PRRC2A: variants seen among roughly 807,000 people sequenced by gnomAD.
PRRC2A encodes proline rich coiled-coil 2A.
In PRRC2A, 59 loss-of-function variants were observed where a neutral mutation model predicts 224.6. The observed-to-expected ratio is 0.26, with a 90% CI of 0.21 to 0.33. PRRC2A has a LOEUF of 0.33. Ranked by LOEUF, PRRC2A falls within the 10% of genes least tolerant of loss-of-function variation. The pLI, the probability that PRRC2A is intolerant of heterozygous loss-of-function variation, is 1.00. For missense variants in PRRC2A, 3,095 were observed against 2,880.7 expected (o/e 1.07, Z -1.70); for synonymous variants, 1,194 against 1,109.5 (o/e 1.08, Z -1.51).
chr6:31,628,061 T>C lies in PRRC2A; in HGVS notation c.1587T>C (p.Pro529=). ...CACCTGCAGTCCCTAAAGAACTCCC[T>C]GCACCTCCAGCTCCACCTCCAGCAT... The part of the protein sequence containing the change: ...APPPAVPKEL[P]APPAPPPASA... Residue 529 remains proline (P), a synonymous_variant, in exon 12 of 31, where the codon CCT becomes CCC. Coordinates refer to ENST00000376033, the MANE Select transcript of PRRC2A (RefSeq NM_004638.4). 6.2e-7 allele frequency: 1 copy of C among 1,612,980 alleles called. No individual in the cohort carries two copies. The highest frequency in any genetic ancestry group is 8.5e-7 in the Non-Finnish European group (1 of 1,179,972).
At position 31,627,070 on chromosome 6, in the gene PRRC2A, C is replaced by G; in HGVS notation, c.1162C>G (p.Pro388Ala). Residue 388 changes from proline (P) to alanine (A), a missense_variant, in exon 11 of 31, where the codon CCT becomes GCT. By Grantham distance (27) the Pro-to-Ala change is conservative. Transcript: ENST00000376033. This position sits in a 1 kb window ranked among gnomAD's most constrained non-coding sequence, Gnocchi z 5.6. ...CTCCCCCAACAGCGAACCGCCCACT[C>G]CTAAGACGGCCTGGGCAGAAACCTC... ...GNSPNSEPPT[P>A]KTAWAETSRP... is the part of the protein sequence containing the mutation. The G allele has an allele frequency of 1.2e-6, 2 of 1,614,202 alleles. No homozygotes were observed. The highest frequency in any genetic ancestry group is 1.7e-6 in the Non-Finnish European group (2 of 1,180,038).
rs1776086787 is a variant in PRRC2A at position 31,627,861 on chromosome 6, G to A, written c.1387G>A (p.Ala463Thr). 6.2e-7 allele frequency: 1 copy of A among 1,612,974 alleles called. No homozygotes were observed. The change falls in exon 12 of 31, where the codon GCA becomes ACA. Residue 463 changes from alanine to threonine, a missense_variant. By Grantham distance (58) the Ala-to-Thr change is moderately conservative (BLOSUM62 0). This residue lies in a region of PRRC2A where 2,001 missense variants were observed against 1,764.9 expected (regional missense o/e 1.13). Transcript: ENST00000376033. The surrounding 1 kb of genome is among the most constrained non-coding windows in gnomAD (Gnocchi z 5.6). ...RKQSSSEISLAVERARRRREE... is the reference protein window; with the variant it reads ...RKQSSSEISLTVERARRRREE... Reference sequence around the variant, plus strand: ...GCAGTCGTCATCTGAGATTTCCCTGGCAGTGGAGCGGGCCCGGCGACGGCG... The same window carrying A: ...GCAGTCGTCATCTGAGATTTCCCTGACAGTGGAGCGGGCCCGGCGACGGCG...
At chr6:31,626,308 T>A in intron 9 of PRRC2A, 146 bp downstream of exon 9, 3 of 1,044,134 alleles carry the variant, frequency 2.9e-6, no homozygotes, top group Non-Finnish European at 4.1e-6. Flanking sequence ...ATCCCAGTGC[T>A]TTGGGAGTGT....
chr6:31,621,384 C>T (rs1480827399), intron 1 of PRRC2A, among the ~76,000 whole-genome samples: 2 of 152,172 alleles, frequency 1.3e-5, no homozygotes, highest in African/African-American at 4.8e-5. Context: ...GTTGCTCAGT[C>T]GCCCTATGTC....
chr6:31,636,831 T>C lies in PRRC2A; in HGVS notation c.6033T>C (p.Pro2011=). 6.2e-7 allele frequency: 1 copy of C among 1,612,108 alleles called. No individual in the cohort carries two copies. The highest frequency in any genetic ancestry group is 8.5e-7 in the Non-Finnish European group (1 of 1,179,986). The change falls in exon 28 of 31, where the codon CCT becomes CCC. Residue 2011 remains proline (P), a synonymous_variant. Transcript: ENST00000376033. The surrounding 1 kb of genome is among the most constrained non-coding windows in gnomAD (Gnocchi z 4.3). ...PPAPPPLSLL[P]VGPALQPPSL... is the part of the protein sequence containing the mutation. ...CCCCACCTCCCCTTTCTCTGTTACC[T>C]GTGGGCCCTGCTCTGCAGCCCCCCA...
At position 31,633,597 on chromosome 6, in the gene PRRC2A, G is replaced by A. The variant is rs773879355; in HGVS notation, c.4538G>A (p.Arg1513Lys). ...CAAGCCCCTCAGGGCCCCTCTCCTA[G>A]GCCCCCAACCCGATACGAGCCCCAG... ...LPQAPQGPSPRPPTRYEPQRV... is the reference protein window; with the variant it reads ...LPQAPQGPSPKPPTRYEPQRV... Residue 1513 changes from arginine to lysine, a missense_variant, in exon 17 of 31, where the codon AGG (arginine) becomes AAG (lysine). By Grantham distance (26) the Arg-to-Lys change is conservative. Around this residue, in one of 8 missense-constraint regions of PRRC2A, gnomAD observed 2,001 missense variants for 1,764.9 expected, o/e 1.13. Coordinates refer to ENST00000376033, the MANE Select transcript of PRRC2A (RefSeq NM_004638.4). 5 of 1,612,878 alleles carry A rather than the reference G, an allele frequency of 3.1e-6. No individual in the cohort carries two copies. The highest frequency in any genetic ancestry group is 4.2e-6 in the Non-Finnish European group (5 of 1,179,886).
At position 31,632,415 on chromosome 6, in the gene PRRC2A, G is replaced by T; in HGVS notation, c.3742G>T (p.Ala1248Ser). Reference protein sequence around the residue: ...ERPRRRRHGRAQQQDKPPRFR... With the variant: ...ERPRRRRHGRSQQQDKPPRFR... ...ACCCCGAAGGAGGCGACATGGGAGG[G>T]CTCAGCAGCAGGATAAACCGCCTCG... The change falls in exon 16 of 31, where the codon GCT (alanine) becomes TCT (serine). Residue 1248 changes from alanine (A) to serine (S), a missense_variant. This residue lies in a region of PRRC2A where 2,001 missense variants were observed against 1,764.9 expected (regional missense o/e 1.13). Transcript: ENST00000376033. The T allele has an allele frequency of 6.2e-7, 1 of 1,609,018 alleles. No homozygotes were observed. Among genetic ancestry groups the T allele is most frequent in the Non-Finnish European group, 8.5e-7 (1 of 1,177,236 alleles).
At chr6:31,633,816 G>T (rs548981986) in intron 17 of PRRC2A, 43 bp from the exon 18 acceptor site, 1 of 1,554,506 alleles carries the variant, frequency 6.4e-7, no homozygotes, top group East Asian at 2.3e-5. Context: ...GTTAGGGTCA[G>T]TGGCAGAGCC....
intron 23 of PRRC2A, 34 bp downstream of exon 23, chr6:31,635,499 A>C: frequency 1.2e-6 from 2 of 1,612,752 alleles, no homozygotes; most frequent in African/African-American, 2.7e-5. Flanking sequence ...GGAAAGGCCC[A>C]AGATTTCTGG....
chr6:31,629,708 G>A lies in PRRC2A; in HGVS notation c.2117G>A (p.Gly706Asp). ...PPPPPKALYP[G>D]ALGRPPPMPP... ...CCGCCCCCCAAGGCCCTGTACCCAG[G>A]TGCTCTGGGCCGGCCCCCACCCATG... The change falls in exon 14 of 31, where the codon GGT becomes GAT. Residue 706 changes from glycine (G) to aspartate (D), a missense_variant. Physicochemically the swap from Gly to Asp is moderately conservative, Grantham distance 94 (BLOSUM62 -1). This residue lies in a region of PRRC2A where 2,001 missense variants were observed against 1,764.9 expected (regional missense o/e 1.13). Transcript: ENST00000376033. The A allele has an allele frequency of 1.2e-6, 2 of 1,602,956 alleles. No individual in the cohort carries two copies. Among genetic ancestry groups the A allele is most frequent in the Non-Finnish European group, 1.7e-6 (2 of 1,172,944 alleles).
Position 31,635,485 on chromosome 6 carries a change from T to C in PRRC2A, c.5373+20T>C. The C allele has an allele frequency of 1.9e-6, 3 of 1,613,502 alleles. No individual in the cohort carries two copies. The highest frequency in any genetic ancestry group is 2.2e-5 in the South Asian group (2 of 91,080). Reference sequence around the variant, plus strand: ...ACTGAGGTAAGTGGGAGTAAGAGTTTGGTGGAAAGGCCCAAGATTTCTGGG... The same window carrying C: ...ACTGAGGTAAGTGGGAGTAAGAGTTCGGTGGAAAGGCCCAAGATTTCTGGG... On this transcript the variant is annotated intron_variant, in intron 23 of 30. Transcript: ENST00000376033.
chr6:31,631,820 C>CG lies in PRRC2A; in HGVS notation c.3147_3148insG (p.Arg1050AlafsTer15). ...CCTATGGGGGACGAGGGCGGGGAGC[C>CG]CGAAGCCGGGAATTCCGCAGTTACC... On this transcript the variant is annotated frameshift_variant, in exon 16 of 31. Transcript: ENST00000376033. LOFTEE classifies it high-confidence loss of function. The surrounding 1 kb of genome is among the most constrained non-coding windows in gnomAD (Gnocchi z 4.5). The CG allele has an allele frequency of 6.3e-7, 1 of 1,594,398 alleles. No individual in the cohort carries two copies. Among genetic ancestry groups the CG allele is most frequent in the Non-Finnish European group, 8.6e-7 (1 of 1,168,574 alleles).
Position 31,632,920 on chromosome 6 carries a change from G to A in PRRC2A, c.4247G>A (p.Gly1416Asp). The A allele has an allele frequency of 1.2e-6, 2 of 1,612,558 alleles. No homozygotes were observed. Among genetic ancestry groups the A allele is most frequent in the Non-Finnish European group, 1.7e-6 (2 of 1,179,744 alleles). The part of the protein sequence containing the change: ...GSSGSSSGGG[G>D]GGPGGRTGPG... Reference sequence around the variant, plus strand: ...AGTGGCAGCAGCAGTGGAGGAGGCGGTGGGGGTCCTGGAGGAAGGACCGGG... The same window carrying A: ...AGTGGCAGCAGCAGTGGAGGAGGCGATGGGGGTCCTGGAGGAAGGACCGGG... The change falls in exon 16 of 31, where the codon GGT becomes GAT. Residue 1416 changes from glycine (G) to aspartate (D), a missense_variant. Coordinates refer to ENST00000376033, the MANE Select transcript of PRRC2A (RefSeq NM_004638.4).
chr6:31,625,400 C>T lies in PRRC2A; in HGVS notation c.608-60C>T. ...TATTCACCTTCCTCCCCATCACTTT[C>T]AGCTGTGTTCACTTGTCCTCCAATC... On this transcript the variant is annotated intron_variant, in intron 6 of 30. Transcript: ENST00000376033. The surrounding 1 kb of genome is among the most constrained non-coding windows in gnomAD (Gnocchi z 4.1). The T allele has an allele frequency of 6.2e-7, 1 of 1,611,424 alleles. No homozygotes were observed. The highest frequency in any genetic ancestry group is 8.5e-7 in the Non-Finnish European group (1 of 1,177,500).
Position 31,629,741 on chromosome 6 carries a change from T to C in PRRC2A, c.2150T>C (p.Met717Thr), listed in dbSNP as rs1278866753. The C allele has an allele frequency of 2.6e-6, 4 of 1,527,926 alleles. No individual in the cohort carries two copies. In the South Asian group the frequency reaches 4.5e-5, roughly 17 times the overall value. The allele number at this position is 1,527,926 out of a possible 1,614,324, so 94.6% of individuals were successfully genotyped here. A position where few individuals can be genotyped will look rare whatever the true frequency, so the allele number is the denominator to read the frequency against. Residue 717 changes from methionine to threonine, a missense_variant, in exon 14 of 31, where the codon ATG (methionine) becomes ACG (threonine). Transcript: ENST00000376033. ...ALGRPPPMPP[M>T]NFDPRWMMIP... ...GGCCGGCCCCCACCCATGCCCCCAA[T>C]GAACTTTGATCCCCGATGGATGATG... is the stretch of plus-strand genomic sequence containing the variant.
At chr6:31,637,170 G>A (rs774714179) in intron 29 of PRRC2A, 34 bp downstream of exon 29, 1 of 1,608,392 alleles carries the variant, frequency 6.2e-7, no homozygotes. Context: ...CTTTCCAAGT[G>A]CTTCCTTACT....
At chr6:31,622,969 C>A in intron 2 of PRRC2A, 68 bp downstream of exon 2, 1 of 1,297,942 alleles carries the variant, frequency 7.7e-7, no homozygotes, top group Non-Finnish European at 1.1e-6. Flanking sequence ...CGTTTTAGAG[C>A]TCTTTAAAGG....
Position 31,626,032 on chromosome 6 carries a change from T to A in PRRC2A, c.852T>A (p.Arg284=). 1 of 1,611,728 alleles carries A rather than the reference T, an allele frequency of 6.2e-7. No individual in the cohort carries two copies. The highest frequency in any genetic ancestry group is 8.5e-7 in the Non-Finnish European group (1 of 1,179,570). Residue 284 remains arginine, a synonymous_variant, in exon 9 of 31, where the codon CGT becomes CGA. Transcript: ENST00000376033. ...TTTTTGTGTACAGCCGTTTTCCCCG[T>A]GTGGCGGGCCCCCGAGGCTCAGGGC... ...PTPDGPSRFP[R]VAGPRGSGPP...
Position 31,630,701 on chromosome 6 carries a change from TTGGCC to T in PRRC2A, c.2369_2373del (p.Ala790GlyfsTer11). 1 of 1,614,138 alleles carries T rather than the reference TTGGCC, an allele frequency of 6.2e-7. No individual in the cohort carries two copies. Among genetic ancestry groups the T allele is most frequent in the Non-Finnish European group, 8.5e-7 (1 of 1,180,028 alleles). The stretch of plus-strand genomic sequence containing the variant: ...GGGCACTCCACCGGTGGATCCAAAG[TTGGCC>T]TGGGTAGGAGATGTCTTCACCGCCA... On this transcript the variant is annotated frameshift_variant, in exon 15 of 31. Coordinates refer to ENST00000376033, the MANE Select transcript of PRRC2A (RefSeq NM_004638.4). LOFTEE classifies it high-confidence loss of function.
Sources: gnomAD v4.1 joint callset for allele counts (sites outside exome capture counted in the v4.1 genomes callset) on GRCh38, gnomAD v4.1.1 for gene constraint, gnomAD v4.1.1 regional missense constraint, Gnocchi (gnomAD v3.1) non-coding constraint, MANE v1.5 for transcripts, NCBI Gene and HGNC (gene_info 2026-07-23, HGNC 2026-07-21) for gene names.